SSH2: variants seen among roughly 807,000 people sequenced by gnomAD.
SSH2 encodes the protein slingshot protein phosphatase 2.
Under a neutral mutation model 135.2 loss-of-function variants are expected in SSH2, and 37 were observed. That is an observed-to-expected ratio of 0.27 (90% CI 0.21 to 0.36). The LOEUF (loss-of-function observed/expected upper bound fraction) is 0.36. Among genes scored for constraint, SSH2 ranks in the 10% least tolerant of loss-of-function variants. The probability of loss-of-function intolerance (pLI) is 1.00; values close to 1 mark genes in which losing one functional copy is unlikely to be tolerated. For missense variants in SSH2, 1,408 were observed against 1,765.3 expected, an observed-to-expected ratio of 0.80 and a Z score of 3.63; for synonymous variants, 628 against 646.2, an observed-to-expected ratio of 0.97 and a Z score of 0.43.
intron 3 of SSH2, among the ~76,000 whole-genome samples, chr17:29,732,185 A>G (rs145529372): frequency 5.3e-5 from 8 of 152,334 alleles, no homozygotes; most frequent in African/African-American, 1.9e-4. Context: ...TAAATTAATG[A>G]TATCTACCTT....
chr17:29,868,883 C>T lies in SSH2; in HGVS notation c.64-19954G>A, dbSNP rs35970748. 3.1e-3 allele frequency among the ~76,000 whole-genome samples: 466 copies of T among 152,210 alleles called. 2 individuals are homozygous for T. The highest frequency in any genetic ancestry group is 5.2e-3 in the Non-Finnish European group (351 of 68,004). On this transcript the variant is annotated intron_variant, in intron 1 of 15. Transcript: ENST00000540801. Reference sequence around the variant, plus strand: ...CTTTTCAGTCCCTCTCATCCAGCATCATGGAAAATAACCTAGAAAAGTGGG... The same window carrying T: ...CTTTTCAGTCCCTCTCATCCAGCATTATGGAAAATAACCTAGAAAAGTGGG...
At position 29,631,831 on chromosome 17, in the gene SSH2, G is replaced by C; in HGVS notation, c.3363C>G (p.Thr1121=). 1 of 1,614,204 alleles carries C rather than the reference G, an allele frequency of 6.2e-7. No homozygotes were observed. Among genetic ancestry groups the C allele is most frequent in the Non-Finnish European group, 8.5e-7 (1 of 1,180,042 alleles). ...PEHNRPTDHP[T]SILSSPEDRG... ...TGTCTTCAGGGCTACTCAGGATGGA[G>C]GTTGGATGGTCAGTGGGTCTGTTGT... The change falls in exon 16 of 16, where the codon ACC becomes ACG. Residue 1121 remains threonine (T), a synonymous_variant. Coordinates refer to ENST00000540801, the MANE Select transcript of SSH2 (RefSeq NM_001282129.2).
Position 29,630,803 on chromosome 17 carries a change from A to C in SSH2, c.*38T>G. 6.6e-7 allele frequency: 1 copy of C among 1,508,714 alleles called. No individual in the cohort carries two copies. Among genetic ancestry groups the C allele is most frequent in the East Asian group, 2.3e-5 (1 of 43,790 alleles). The allele number at this position is 1,508,714 out of a possible 1,614,324, so 93.5% of individuals were successfully genotyped here. A position where few individuals can be genotyped will look rare whatever the true frequency, so the allele number is the denominator to read the frequency against. On this transcript the variant is annotated 3_prime_UTR_variant, in exon 16 of 16. Transcript: ENST00000540801. ...ACATATTACACCTGCCCCTTTTACA[A>C]ACATTTCTTCTAGAAAGTCACATGT... is the stretch of plus-strand genomic sequence containing the variant.
intron 2 of SSH2, among the ~76,000 whole-genome samples, chr17:29,799,701 AC>A (rs2151311713): frequency 6.6e-6 from 1 of 150,758 alleles, no homozygotes; most frequent in South Asian, 2.1e-4. Context: ...AAGCAAAAAC[AC>A]CCCTGATGCT....
chr17:29,692,381 T>C, intron 5 of SSH2, among the ~76,000 whole-genome samples: 1 of 152,168 alleles, frequency 6.6e-6, no homozygotes, highest in Admixed American at 6.6e-5. Flanking sequence ...AGCTGAAACA[T>C]AATGACTATG....
intron 3 of SSH2, among the ~76,000 whole-genome samples, chr17:29,744,415 G>A (rs2040685009): frequency 1.3e-5 from 2 of 152,188 alleles, no homozygotes; most frequent in Non-Finnish European, 2.9e-5. Context: ...CTTTTTAGTA[G>A]CTGCAGTATC....
intron 3 of SSH2, among the ~76,000 whole-genome samples, chr17:29,758,677 T>C (rs560452172): frequency 1.3e-5 from 2 of 152,326 alleles, no homozygotes; most frequent in South Asian, 4.1e-4. Context: ...TTGGACTTGA[T>C]TGACCAGAAA....
chr17:29,896,964 T>G (rs28492945), intron 1 of SSH2, among the ~76,000 whole-genome samples: 73,911 of 151,482 alleles, frequency 0.49, 18,697 homozygotes, highest in East Asian at 0.69. Context: ...CAATCTAATG[T>G]GATAGGGTGA....
intron 2 of SSH2, among the ~76,000 whole-genome samples, chr17:29,809,397 A>C (rs892330110): frequency 6.6e-6 from 1 of 152,234 alleles, no homozygotes; most frequent in Non-Finnish European, 1.5e-5. Context: ...GATATCATTT[A>C]GTTTCAGATA....
intron 2 of SSH2, among the ~76,000 whole-genome samples, chr17:29,802,456 G>A (rs989925104): frequency 1.3e-5 from 2 of 151,796 alleles, no homozygotes; most frequent in East Asian, 1.9e-4. Flanking sequence ...TTTTTTGGCC[G>A]GGCTTGAACT....
chr17:29,650,277 G>A (rs1280027984), intron 13 of SSH2, among the ~76,000 whole-genome samples: 1 of 152,152 alleles, frequency 6.6e-6, no homozygotes, highest in African/African-American at 2.4e-5. Context: ...TATCTTCAGC[G>A]GGGAGGACCA....
chr17:29,762,942 T>C (rs2041357630), intron 3 of SSH2, among the ~76,000 whole-genome samples: 1 of 152,210 alleles, frequency 6.6e-6, no homozygotes, highest in Non-Finnish European at 1.5e-5. Context: ...AAAACTTCAC[T>C]AACCAATTAG....
At chr17:29,772,857 G>A (rs2041616455) in intron 3 of SSH2, among the ~76,000 whole-genome samples, 1 of 152,078 alleles carries the variant, frequency 6.6e-6, no homozygotes, top group South Asian at 2.1e-4. Context: ...AGGTCCTTAG[G>A]TCTTTGGCAT....
intron 1 of SSH2, among the ~76,000 whole-genome samples, chr17:29,908,091 T>C (rs906483970): frequency 6.6e-6 from 1 of 151,838 alleles, no homozygotes; most frequent in Non-Finnish European, 1.5e-5. Context: ...GCTGGGATTT[T>C]GGCGTGAGCC....
chr17:29,810,328 G>T (rs1285620826), intron 2 of SSH2, among the ~76,000 whole-genome samples: 1 of 152,050 alleles, frequency 6.6e-6, no homozygotes, highest in African/African-American at 2.4e-5. Flanking sequence ...AAGATGAATG[G>T]GTCAATGTTG....
chr17:29,678,083 G>A (rs542456455), intron 6 of SSH2, among the ~76,000 whole-genome samples: 51 of 144,964 alleles, frequency 3.5e-4, no homozygotes, highest in African/African-American at 1.2e-3. Flanking sequence ...TGTCCACCTC[G>A]ACTCCAAGGA....
intron 2 of SSH2, among the ~76,000 whole-genome samples, chr17:29,804,740 T>C (rs1278503697): frequency 1.3e-5 from 2 of 151,916 alleles, no homozygotes; most frequent in African/African-American, 4.8e-5. Flanking sequence ...GGCACGATCA[T>C]AGCTCACTAT....
At chr17:29,723,141 TCTGTG>T in intron 3 of SSH2, among the ~76,000 whole-genome samples, 1 of 152,036 alleles carries the variant, frequency 6.6e-6, no homozygotes, top group African/African-American at 2.4e-5. Flanking sequence ...ATATCCCATC[TCTGTG>T]GGAGATGAGA....
chr17:29,929,485 G>A (rs146736563), intron 1 of SSH2, among the ~76,000 whole-genome samples: 78 of 152,238 alleles, frequency 5.1e-4, no homozygotes, highest in African/African-American at 1.8e-3. Flanking sequence ...ACACCCTGGC[G>A]AGTACGAAGA....
Sources: gnomAD v4.1 joint callset for allele counts (sites outside exome capture counted in the v4.1 genomes callset) on GRCh38, gnomAD v4.1.1 for gene constraint, MANE v1.5 for transcripts, NCBI Gene and HGNC (gene_info 2026-07-23, HGNC 2026-07-21) for gene names.